Variants in XDH observed in about 807,000 individuals in gnomAD.
The protein encoded by XDH is xanthine dehydrogenase/oxidase.
Under a neutral mutation model 156.1 loss-of-function variants are expected in XDH, and 138 were observed. The observed-to-expected ratio is 0.88, with a 90% CI of 0.77 to 1.02. XDH has a LOEUF of 1.02. Ranked by LOEUF, XDH falls within the 50% of genes least tolerant of loss-of-function variation. The probability of loss-of-function intolerance (pLI) is 0.00; values close to 1 mark genes in which losing one functional copy is unlikely to be tolerated. For missense variants in XDH, 1,849 were observed against 1,684.9 expected, an observed-to-expected ratio of 1.10 and a Z score of -1.71; for synonymous variants, 669 against 625.7, an observed-to-expected ratio of 1.07 and a Z score of -1.03.
In XDH at chr2:31,373,945, T is replaced by C. The variant is rs906423407; in HGVS notation, c.1614A>G (p.Lys538=). The part of the protein sequence containing the change: ...GQENLEDKCG[K]LDPTFASATL... ...TTGCACTGGCGAAAGTGGGGTCCAGTTTACCACACTTCTGTGGAGACAAGA... is the reference window on the plus strand; with the variant it reads ...TTGCACTGGCGAAAGTGGGGTCCAGCTTACCACACTTCTGTGGAGACAAGA... The change falls in exon 16 of 36, where the codon AAA becomes AAG. Residue 538 remains lysine (K), a synonymous_variant. Coordinates refer to ENST00000379416, the MANE Select transcript of XDH (RefSeq NM_000379.4). 4.3e-6 allele frequency: 7 copies of C among 1,613,652 alleles called. No homozygotes were observed. Among genetic ancestry groups the C allele is most frequent in the Non-Finnish European group, 5.1e-6 (6 of 1,179,774 alleles).
chr2:31,361,169 C>T (rs992137), intron 24 of XDH, among the ~76,000 whole-genome samples: 5,901 of 152,318 alleles, frequency 0.039, 140 homozygotes, highest in Middle Eastern at 0.068. Context: ...TGCTGAATAA[C>T]TTGTATGCTA....
At chr2:31,352,999 G>A (rs1685523761) in intron 24 of XDH, among the ~76,000 whole-genome samples, 1 of 146,902 alleles carries the variant, frequency 6.8e-6, no homozygotes, top group Non-Finnish European at 1.5e-5. Context: ...GGGATTATAA[G>A]CATGAGCCAC....
At chr2:31,367,143 A>G in intron 20 of XDH, 149 bp from the exon 21 acceptor site, 1 of 1,322,702 alleles carries the variant, frequency 7.6e-7, no homozygotes, top group Non-Finnish European at 1.1e-6. Flanking sequence ...TTGGGGTGGA[A>G]AAGGATCCCA....
chr2:31,356,421 T>C (rs1245079589), intron 24 of XDH, among the ~76,000 whole-genome samples: 1 of 152,232 alleles, frequency 6.6e-6, no homozygotes, highest in African/African-American at 2.4e-5. Context: ...TAGCTTATCC[T>C]GAACCATTGG....
chr2:31,350,181 T>G lies in XDH; in HGVS notation c.2674A>C (p.Ile892Leu), dbSNP rs917020172. The G allele has an allele frequency of 6.2e-7, 1 of 1,613,960 alleles. No individual in the cohort carries two copies. The highest frequency in any genetic ancestry group is 1.3e-5 in the African/African-American group (1 of 74,880). Residue 892 changes from isoleucine to leucine, a missense_variant, in exon 25 of 36, where the codon ATC (isoleucine) becomes CTC (leucine). Coordinates refer to ENST00000379416, the MANE Select transcript of XDH (RefSeq NM_000379.4). The part of the protein sequence containing the change: ...ALFHMDNCYK[I>L]PNIRGTGRLC... ...CGCCCAGTGCCCCGGATGTTGGGGA[T>G]TTTATAGCAGTTGTCCATGTGGAAT...
chr2:31,348,431 A>G, intron 27 of XDH, 68 bp from the exon 28 acceptor site: 1 of 1,460,998 alleles, frequency 6.8e-7, no homozygotes, highest in Admixed American at 1.8e-5. Context: ...TTGGGACCAA[A>G]GGTATGGAGC....
chr2:31,358,741 T>C (rs778924001), intron 24 of XDH, among the ~76,000 whole-genome samples: 2 of 152,042 alleles, frequency 1.3e-5, no homozygotes, highest in Non-Finnish European at 2.9e-5. Flanking sequence ...AAAACACTAA[T>C]GGAAGAAAAC....
At chr2:31,387,329 AG>A (rs201365642) in intron 8 of XDH, among the ~76,000 whole-genome samples, 1,920 of 152,228 alleles carry the variant, frequency 0.013, 16 homozygotes, top group Non-Finnish European at 0.021. Flanking sequence ...AGTGGGTGTG[AG>A]GGGGTTTCCT....
At chr2:31,370,123 A>G (rs887331509) in intron 18 of XDH, among the ~76,000 whole-genome samples, 32 of 152,258 alleles carry the variant, frequency 2.1e-4, no homozygotes, top group Non-Finnish European at 3.8e-4. Context: ...GTGTTGTTTT[A>G]CTGCCACTTT....
At chr2:31,404,842 T>C (rs1572571126) in intron 2 of XDH, among the ~76,000 whole-genome samples, 1 of 152,198 alleles carries the variant, frequency 6.6e-6, no homozygotes, top group Non-Finnish European at 1.5e-5. Context: ...CACTGTACTG[T>C]CTGATAGGAG....
chr2:31,375,123 T>C (rs1003107930), intron 15 of XDH, among the ~76,000 whole-genome samples: 3 of 148,364 alleles, frequency 2.0e-5, no homozygotes, highest in African/African-American at 7.6e-5. Flanking sequence ...CCTCCCGAGT[T>C]CAAGTGATTC....
intron 12 of XDH, 41 bp from the exon 13 acceptor site, chr2:31,380,017 A>G (rs1414331189): frequency 6.3e-7 from 1 of 1,596,634 alleles, no homozygotes; most frequent in East Asian, 2.2e-5. Flanking sequence ...AGTGAGGGAA[A>G]GGCTGGGAAC....
intron 1 of XDH, among the ~76,000 whole-genome samples, chr2:31,409,219 T>G (rs568337091): frequency 6.6e-5 from 10 of 152,274 alleles, no homozygotes; most frequent in African/African-American, 2.4e-4. Flanking sequence ...AGACCTAGTG[T>G]TGGATAACAC....
intron 10 of XDH, 30 bp from the exon 11 acceptor site, chr2:31,383,182 T>G: frequency 6.2e-7 from 1 of 1,614,018 alleles, no homozygotes; most frequent in South Asian, 1.1e-5. Flanking sequence ...ATCACAGCAA[T>G]TCTTCCCACA....
At chr2:31,376,831 TC>T (rs1190115261) in intron 14 of XDH, among the ~76,000 whole-genome samples, 2 of 150,260 alleles carry the variant, frequency 1.3e-5, no homozygotes, top group African/African-American at 4.9e-5. Context: ...GTGGCAATAC[TC>T]CTAGTAGTAA....
chr2:31,341,868 G>A (rs1416831218), intron 32 of XDH, among the ~76,000 whole-genome samples: 1 of 152,166 alleles, frequency 6.6e-6, no homozygotes, highest in African/African-American at 2.4e-5. Flanking sequence ...AAAATTGTAT[G>A]AGATTCAATT....
intron 30 of XDH, among the ~76,000 whole-genome samples, chr2:31,346,234 T>C (rs1286234508): frequency 3.3e-5 from 5 of 152,196 alleles, no homozygotes; most frequent in Non-Finnish European, 5.9e-5. Flanking sequence ...TTCAGGCCAC[T>C]GGTCTAGAAG....
At chr2:31,366,232 T>C in intron 21 of XDH, 123 bp from the exon 22 acceptor site, 1 of 1,550,742 alleles carries the variant, frequency 6.4e-7, no homozygotes, top group African/African-American at 1.4e-5. Context: ...ATTCCTTGAT[T>C]GAAAATCCCA....
Position 31,335,615 on chromosome 2 carries a change from A to T in XDH, c.*343T>A, listed in dbSNP as rs936014934. On this transcript the variant is annotated 3_prime_UTR_variant, in exon 36 of 36. Coordinates refer to ENST00000379416, the MANE Select transcript of XDH (RefSeq NM_000379.4). ...TGTGGGAATCCTCTTCAAAGGACAG[A>T]CACCATCAGAACTTGAGGTTATACA... 1 of 412,796 alleles carries T rather than the reference A, an allele frequency of 2.4e-6. No homozygotes were observed. Among genetic ancestry groups the T allele is most frequent in the African/African-American group, 2.0e-5 (1 of 49,316 alleles). The allele number at this position is 412,796 out of a possible 1,614,324, so 25.6% of individuals were successfully genotyped here.
Sources: allele counts gnomAD v4.1 joint callset (sites outside exome capture counted in the v4.1 genomes callset), GRCh38; gene constraint gnomAD v4.1.1; transcripts MANE v1.5; gene names NCBI Gene and HGNC (gene_info 2026-07-23, HGNC 2026-07-21).